RAB3GAP2: variants seen among roughly 807,000 people sequenced by gnomAD.
The protein encoded by RAB3GAP2 is RAB3 GTPase activating non-catalytic protein subunit 2.
A neutral mutation model predicts 185.3 loss-of-function variants in RAB3GAP2; 87 were observed. The ratio of observed to expected loss-of-function variants is 0.47; its 90% CI spans 0.39 to 0.56. The LOEUF (loss-of-function observed/expected upper bound fraction) is 0.56, where lower values mean the gene tolerates loss of function less well. RAB3GAP2 is among the 20% of genes least tolerant of loss of function. RAB3GAP2 has a pLI of 0.00. For missense variants in RAB3GAP2, 1,492 were observed against 1,638.2 expected, an observed-to-expected ratio of 0.91 and a Z score of 1.54; for synonymous variants, 554 against 576.1, an observed-to-expected ratio of 0.96 and a Z score of 0.55.
intron 1 of RAB3GAP2, among the ~76,000 whole-genome samples, chr1:220,263,885 GC>G (rs1044990135): frequency 6.6e-6 from 1 of 151,714 alleles, no homozygotes; most frequent in Non-Finnish European, 1.5e-5. Flanking sequence ...GTTCATATAT[GC>G]CCCAAAAGAA....
intron 3 of RAB3GAP2, 117 bp downstream of exon 3, chr1:220,213,739 G>GCT: frequency 2.0e-6 from 2 of 993,490 alleles, no homozygotes; most frequent in Non-Finnish European, 2.9e-6. Flanking sequence ...AGTTGGGGGG[G>GCT]GGGGGAGAGA....
chr1:220,213,961 AAGT>A lies in RAB3GAP2; in HGVS notation c.196_198del (p.Thr66del), dbSNP rs1659135137. The A allele has an allele frequency of 6.2e-7, 1 of 1,613,286 alleles. No homozygotes were observed. The highest frequency in any genetic ancestry group is 1.3e-5 in the African/African-American group (1 of 74,896). On this transcript the variant is annotated inframe_deletion, in exon 3 of 35. Transcript: ENST00000358951. Reference sequence around the variant, plus strand: ...AGCCAGGAAGTTTTTTGTGTTTTGCAAGTATTTCCTTCTTCTTCCTGTGGGTAA... The same window carrying A: ...AGCCAGGAAGTTTTTTGTGTTTTGCAATTTCCTTCTTCTTCCTGTGGGTAA...
At chr1:220,239,928 T>A (rs1377299612) in intron 1 of RAB3GAP2, among the ~76,000 whole-genome samples, 3 of 146,046 alleles carry the variant, frequency 2.1e-5, no homozygotes, top group Non-Finnish European at 4.5e-5. Context: ...ATGGTAGGGA[T>A]AGAAGAAATA....
Position 220,191,187 on chromosome 1 carries a change from C to CT in RAB3GAP2, c.1367dup (p.Pro458SerfsTer28). 6.2e-7 allele frequency: 1 copy of CT among 1,614,022 alleles called. No homozygotes were observed. Among genetic ancestry groups the CT allele is most frequent in the Non-Finnish European group, 8.5e-7 (1 of 1,179,970 alleles). On this transcript the variant is annotated frameshift_variant, in exon 14 of 35. Coordinates refer to ENST00000358951, the MANE Select transcript of RAB3GAP2 (RefSeq NM_012414.4). LOFTEE classifies it high-confidence loss of function. ...GGAATTGAGCTACTCGACTTGGACC[C>CT]TGAGAATTTCCAAAGGGGGAAAAAT...
At chr1:220,258,184 T>C (rs1007175640) in intron 1 of RAB3GAP2, among the ~76,000 whole-genome samples, 1 of 152,154 alleles carries the variant, frequency 6.6e-6, no homozygotes, top group Non-Finnish European at 1.5e-5. Flanking sequence ...GTACCATTTC[T>C]ACTGAAACTA....
chr1:220,174,957 C>T (rs1461407197), intron 21 of RAB3GAP2, among the ~76,000 whole-genome samples: 1 of 152,152 alleles, frequency 6.6e-6, no homozygotes, highest in Non-Finnish European at 1.5e-5. Context: ...CCTCCATAAC[C>T]TGATGCTTTT....
chr1:220,171,006 T>C lies in RAB3GAP2; in HGVS notation c.2692A>G (p.Ile898Val). ...LLLKQLEDCLILQTLLHSKGN... is the reference protein window; with the variant it reads ...LLLKQLEDCLVLQTLLHSKGN... ...TTGCTGTGAAGCAGAGTCTGAAGTA[T>C]GAGACAATCCTCCAGCTGTTTCAGA... The change falls in exon 24 of 35, where the codon ATA becomes GTA. Residue 898 changes from isoleucine to valine, a missense_variant. By Grantham distance (29) the Ile-to-Val change is conservative. Around this residue, in one of 5 missense-constraint regions of RAB3GAP2, gnomAD observed 681 missense variants for 689.1 expected, o/e 0.99. Coordinates refer to ENST00000358951, the MANE Select transcript of RAB3GAP2 (RefSeq NM_012414.4). The C allele has an allele frequency of 1.2e-6, 2 of 1,614,110 alleles. No homozygotes were observed. Among genetic ancestry groups the C allele is most frequent in the South Asian group, 1.1e-5 (1 of 91,086 alleles).
intron 2 of RAB3GAP2, 127 bp downstream of exon 2, chr1:220,232,672 A>C: frequency 3.4e-6 from 3 of 873,028 alleles, no homozygotes; most frequent in Non-Finnish European, 5.7e-6. Context: ...TTAAGTACTA[A>C]TAAGTAAGCA....
chr1:220,177,068 C>T (rs1658305601), intron 21 of RAB3GAP2, among the ~76,000 whole-genome samples: 1 of 152,260 alleles, frequency 6.6e-6, no homozygotes, highest in Admixed American at 6.5e-5. Context: ...ACCCATCCAC[C>T]TGTGCAGACA....
Position 220,195,322 on chromosome 1 carries a change from G to A in RAB3GAP2, c.1016C>T (p.Thr339Ile). 6.2e-7 allele frequency: 1 copy of A among 1,612,228 alleles called. No individual in the cohort carries two copies. Among genetic ancestry groups the A allele is most frequent in the African/African-American group, 1.3e-5 (1 of 75,012 alleles). ...CCTGGCAGCATTAAATAAAGCAGAA[G>A]TGAGTTTACTTGCAACTGCTAGTGC... ...HVALAVASKLTSALFNAASGW... is the reference protein window; with the variant it reads ...HVALAVASKLISALFNAASGW... Residue 339 changes from threonine to isoleucine, a missense_variant, in exon 11 of 35, where the codon ACT becomes ATT. Thr to Ile is a moderately conservative substitution (Grantham distance 89). Transcript: ENST00000358951.
At chr1:220,200,699 C>A in intron 9 of RAB3GAP2, 1 of 501,274 alleles carries the variant, frequency 2.0e-6, no homozygotes, top group African/African-American at 2.0e-5. Context: ...TTTATGCTAG[C>A]AAAAAAGTAG....
intron 2 of RAB3GAP2, among the ~76,000 whole-genome samples, chr1:220,221,391 G>A (rs1659304561): frequency 6.6e-6 from 1 of 152,158 alleles, no homozygotes. Context: ...CCAAATTAAA[G>A]CAATCAGAAC....
intron 1 of RAB3GAP2, among the ~76,000 whole-genome samples, chr1:220,247,221 A>G (rs1659835531): frequency 6.6e-6 from 1 of 152,232 alleles, no homozygotes; most frequent in African/African-American, 2.4e-5. Context: ...AACTAAAAGT[A>G]GATCTACCAG....
intron 2 of RAB3GAP2, among the ~76,000 whole-genome samples, chr1:220,216,225 C>T (rs547827811): frequency 6.6e-6 from 1 of 152,038 alleles, no homozygotes; most frequent in Non-Finnish European, 1.5e-5. Flanking sequence ...CACCATCTCC[C>T]GAAAGATAGG....
At chr1:220,231,047 C>T (rs1659492014) in intron 2 of RAB3GAP2, among the ~76,000 whole-genome samples, 1 of 152,240 alleles carries the variant, frequency 6.6e-6, no homozygotes, top group Non-Finnish European at 1.5e-5. Flanking sequence ...TTGCTCCCTA[C>T]TTCAACCTAT....
intron 1 of RAB3GAP2, among the ~76,000 whole-genome samples, chr1:220,237,726 T>C (rs1186750534): frequency 6.6e-6 from 1 of 152,210 alleles, no homozygotes; most frequent in African/African-American, 2.4e-5. Flanking sequence ...AATTTAATCC[T>C]AAATATTGTT....
intron 9 of RAB3GAP2, 43 bp from the exon 10 acceptor site, chr1:220,196,441 C>T (rs373445218): frequency 5.3e-5 from 80 of 1,521,446 alleles, no homozygotes; most frequent in Non-Finnish European, 6.0e-5. Flanking sequence ...AATGTTATTG[C>T]GGTCATTACA....
chr1:220,203,148 T>C (rs182690877), intron 8 of RAB3GAP2, among the ~76,000 whole-genome samples: 1 of 152,138 alleles, frequency 6.6e-6, no homozygotes, highest in Non-Finnish European at 1.5e-5. Flanking sequence ...AGGCCAGACT[T>C]GATAGAAAGA....
At chr1:220,190,658 G>A (rs2102869452) in intron 14 of RAB3GAP2, 138 bp from the exon 15 acceptor site, 1 of 836,192 alleles carries the variant, frequency 1.2e-6, no homozygotes. Context: ...CTGATAGCAA[G>A]TACATAAGTA....
Sources: gnomAD v4.1 joint callset for allele counts (sites outside exome capture counted in the v4.1 genomes callset) on GRCh38, gnomAD v4.1.1 for gene constraint, gnomAD v4.1.1 regional missense constraint, MANE v1.5 for transcripts, NCBI Gene and HGNC (gene_info 2026-07-23, HGNC 2026-07-21) for gene names.